The following TUBA1C variants were observed in gnomAD, a reference collection of about 807,000 sequenced individuals.
TUBA1C encodes the protein tubulin alpha-1C chain.
TUBA1C carries 16 observed loss-of-function variants against 34.9 expected under a neutral mutation model. That is an observed-to-expected ratio of 0.46 (90% confidence interval 0.31 to 0.70). TUBA1C has a LOEUF of 0.70. Among genes scored for constraint, TUBA1C ranks in the 30% least tolerant of loss-of-function variants. TUBA1C has a pLI of 0.05. For missense variants in TUBA1C, 329 were observed against 587.3 expected (o/e 0.56, Z 4.55); for synonymous variants, 177 against 215.9 (o/e 0.82, Z 1.58).
chr12:49,251,592 T>C (rs1942732924), intron 1 of TUBA1C, among the ~76,000 whole-genome samples: 1 of 151,846 alleles, frequency 6.6e-6, no homozygotes, highest in African/African-American at 2.4e-5. Context: ...CTGGCTAACA[T>C]TGTGAAACCC....
chr12:49,233,592 T>C (rs1395323979), intron 1 of TUBA1C: 2 of 152,206 alleles, frequency 1.3e-5, no homozygotes, highest in Non-Finnish European at 2.9e-5. Flanking sequence ...GAGAAGGCCC[T>C]GTTTTGACCC....
intron 1 of TUBA1C, among the ~76,000 whole-genome samples, chr12:49,267,424 C>T (rs1437983164): frequency 6.6e-6 from 1 of 152,030 alleles, no homozygotes; most frequent in African/African-American, 2.4e-5. Flanking sequence ...TTTGGGAGGC[C>T]GAGGTGAGTA....
chr12:49,265,911 T>TTGGGA (rs1165156819), intron 1 of TUBA1C, among the ~76,000 whole-genome samples: 6 of 148,946 alleles, frequency 4.0e-5, no homozygotes, highest in South Asian at 4.2e-4. Flanking sequence ...TCCCAGCACT[T>TTGGGA]GTTCGAGACA....
chr12:49,267,299 C>CA (rs1942927578), intron 1 of TUBA1C, among the ~76,000 whole-genome samples: 3 of 152,220 alleles, frequency 2.0e-5, no homozygotes, highest in African/African-American at 7.2e-5. Flanking sequence ...GCCTGGGGGC[C>CA]ATCATGATCA....
intron 1 of TUBA1C, among the ~76,000 whole-genome samples, chr12:49,236,607 G>A (rs973416393): frequency 4.6e-5 from 7 of 152,176 alleles, no homozygotes; most frequent in African/African-American, 1.7e-4. Context: ...TTCCATATAA[G>A]TCATGTGTCA....
At chr12:49,260,019 G>T (rs567057936) in intron 1 of TUBA1C, among the ~76,000 whole-genome samples, 1 of 152,276 alleles carries the variant, frequency 6.6e-6, no homozygotes, top group African/African-American at 2.4e-5. Flanking sequence ...GGCTGCCTGA[G>T]TGCTTTTTCA....
chr12:49,241,894 C>T (rs764012284), intron 1 of TUBA1C, among the ~76,000 whole-genome samples: 1 of 152,086 alleles, frequency 6.6e-6, no homozygotes, highest in African/African-American at 2.4e-5. Context: ...GGGCAATCCG[C>T]TCACCTCAGC....
At chr12:49,234,517 G>C (rs1313663100) in intron 1 of TUBA1C, among the ~76,000 whole-genome samples, 1 of 152,232 alleles carries the variant, frequency 6.6e-6, no homozygotes, top group African/African-American at 2.4e-5. Flanking sequence ...GTGACGTGCA[G>C]CGCCAGGGCC....
intron 1 of TUBA1C, among the ~76,000 whole-genome samples, chr12:49,251,988 T>C (rs945837871): frequency 4.6e-5 from 7 of 152,128 alleles, no homozygotes. Context: ...GAAGGGAATA[T>C]CCTTAACCAG....
chr12:49,269,774 A>T, intron 2 of TUBA1C, 54 bp from the exon 3 acceptor site: 4 of 1,611,518 alleles, frequency 2.5e-6, no homozygotes, highest in Non-Finnish European at 3.4e-6. Context: ...TCACTCACCC[A>T]CTCTCCCTCC....
chr12:49,237,473 T>C (rs1942567744), intron 1 of TUBA1C, among the ~76,000 whole-genome samples: 1 of 151,484 alleles, frequency 6.6e-6, no homozygotes, highest in South Asian at 2.1e-4. Context: ...CTGGATGTGG[T>C]GGCTCACACC....
At position 49,272,885 on chromosome 12, in the gene TUBA1C, A is replaced by G. The variant is rs751201216; in HGVS notation, c.1008A>G (p.Lys336=). ...TCAATGCTGCCATTGCCACCATCAA[A>G]ACCAAGCGTACCATCCAGTTTGTGG... The part of the protein sequence containing the change: ...KDVNAAIATI[K]TKRTIQFVDW... The change falls in exon 4 of 4, where the codon AAA becomes AAG. Residue 336 remains lysine, a synonymous_variant. Transcript: ENST00000301072. The G allele has an allele frequency of 6.3e-5, 102 of 1,614,146 alleles. No homozygotes were observed. The highest frequency in any genetic ancestry group is 3.3e-4 in the Middle Eastern group (2 of 6,058).
intron 2 of TUBA1C, 31 bp downstream of exon 2, chr12:49,269,718 C>A (rs769368536): frequency 1.2e-6 from 2 of 1,612,994 alleles, no homozygotes; most frequent in South Asian, 1.1e-5. Flanking sequence ...CAAGTGAGAT[C>A]CCAGGGTGCT....
In TUBA1C at chr12:49,265,134, C is replaced by T. The variant is rs762555347; in HGVS notation, c.-48C>T. On this transcript the variant is annotated 5_prime_UTR_variant, in exon 1 of 4. Coordinates refer to ENST00000301072, the MANE Select transcript of TUBA1C (RefSeq NM_032704.5). ...GTCTGTTAGTGGGAGATCCTTGTTG[C>T]CGTCCCTTCGCCTCCTTCACCGCCG... 25 of 1,592,426 alleles carry T rather than the reference C, an allele frequency of 1.6e-5. No homozygotes were observed. Among genetic ancestry groups the T allele is most frequent in the African/African-American group, 5.4e-5 (4 of 74,546 alleles).
In TUBA1C at chr12:49,247,199, T is replaced by G. The variant is rs1592277155; in HGVS notation, c.213+19033T>G. ...AGAGAAAAGAAACTAAGCAGAGAGATCAGCAGCTACAAACCTCAGAGGGGA... is the reference window on the plus strand; with the variant it reads ...AGAGAAAAGAAACTAAGCAGAGAGAGCAGCAGCTACAAACCTCAGAGGGGA... On this transcript the variant is annotated intron_variant, in intron 1 of 3. Transcript: ENST00000541364. 2.0e-5 allele frequency among the ~76,000 whole-genome samples: 3 copies of G among 148,548 alleles called. No individual in the cohort carries two copies. The South Asian group carries it at 6.5e-4, about 32-fold the overall frequency.
chr12:49,238,361 G>A (rs1018713801), intron 1 of TUBA1C, among the ~76,000 whole-genome samples: 4 of 152,116 alleles, frequency 2.6e-5, no homozygotes, highest in Admixed American at 2.6e-4. Context: ...ATTTGTGTGG[G>A]GATTTTTCCC....
intron 1 of TUBA1C, among the ~76,000 whole-genome samples, chr12:49,265,465 G>T (rs1007220879): frequency 6.6e-6 from 1 of 152,226 alleles, no homozygotes; most frequent in African/African-American, 2.4e-5. Flanking sequence ...ACTGCCCTAG[G>T]GAGGAAGGTC....
chr12:49,251,505 G>A (rs953176151), intron 1 of TUBA1C, among the ~76,000 whole-genome samples: 1 of 151,942 alleles, frequency 6.6e-6, no homozygotes, highest in African/African-American at 2.4e-5. Context: ...GCTGGGCCTG[G>A]TGACTCACCT....
At chr12:49,252,286 T>C (rs1195765814) in intron 1 of TUBA1C, among the ~76,000 whole-genome samples, 1 of 152,210 alleles carries the variant, frequency 6.6e-6, no homozygotes, top group East Asian at 1.9e-4. Context: ...TAATAAAATA[T>C]GTAAATTCCT....
Sources: allele counts gnomAD v4.1 joint callset (sites outside exome capture counted in the v4.1 genomes callset), GRCh38; gene constraint gnomAD v4.1.1; transcripts MANE v1.5; gene names NCBI Gene and HGNC (gene_info 2026-07-23, HGNC 2026-07-21).